AFG1L: variants seen among roughly 807,000 people sequenced by gnomAD.
AFG1L encodes the protein AFG1-like ATPase.
Under a neutral mutation model 62.2 loss-of-function variants are expected in AFG1L, and 53 were observed. The observed-to-expected ratio is 0.85, with a 90% CI of 0.68 to 1.07. AFG1L has a LOEUF of 1.07. Ranked by LOEUF, AFG1L falls within the 50% of genes least tolerant of loss-of-function variation. AFG1L has a pLI of 0.00. For synonymous variants in AFG1L, 228 were observed against 210.3 expected (o/e 1.08, Z -0.73); for missense variants, 555 against 590.5 (o/e 0.94, Z 0.62).
rs768696179 is a variant in AFG1L, at chr6:108,523,839, G to A, written c.*1414G>A. ...ATCAAGCCTTCTGTAAATAAAATGT[G>A]GTTTAAAGATATTTTTATTGAAGTG... On this transcript the variant is annotated 3_prime_UTR_variant, in exon 13 of 13. Transcript: ENST00000368977. 2 of 151,916 alleles carry A rather than the reference G, an allele frequency of 1.3e-5. No individual in the cohort carries two copies. Among genetic ancestry groups the A allele is most frequent in the Admixed American group, 6.6e-5 (1 of 15,240 alleles). The allele number at this position is 151,916 out of a possible 1,614,324, so 9.4% of individuals were successfully genotyped here. A position where few individuals can be genotyped will look rare whatever the true frequency, so the allele number is the denominator to read the frequency against.
At chr6:108,401,845 G>T in intron 6 of AFG1L, 151 bp from the exon 7 acceptor site, 1 of 468,070 alleles carries the variant, frequency 2.1e-6, no homozygotes, top group Non-Finnish European at 3.8e-6. Context: ...ATGTGTGTAG[G>T]ACCCAAAGAG....
chr6:108,518,653 T>TA (rs900829467), intron 11 of AFG1L, among the ~76,000 whole-genome samples: 2 of 151,876 alleles, frequency 1.3e-5, no homozygotes, highest in Admixed American at 6.6e-5. Flanking sequence ...AGTATAATAA[T>TA]AAAAAAAAGA....
Position 108,474,751 on chromosome 6 carries a change from G to A in AFG1L, c.891-2114G>A, listed in dbSNP as rs562108673. ...GGGGTTGTTTGTTTTCTTTTTTCTT[G>A]TAAATTTGTTTAAGTTCCTTGTAGA... On this transcript the variant is annotated intron_variant, in intron 8 of 12. Transcript: ENST00000368977. 2.2e-4 allele frequency among the ~76,000 whole-genome samples: 33 copies of A among 152,088 alleles called. No homozygotes were observed. The South Asian group carries it at 6.4e-3, about 30-fold the overall frequency.
At chr6:108,516,433 C>G (rs1197738139) in intron 11 of AFG1L, among the ~76,000 whole-genome samples, 1 of 152,142 alleles carries the variant, frequency 6.6e-6, no homozygotes, top group African/African-American at 2.4e-5. Flanking sequence ...CAGAAAAGGC[C>G]TTTGACAAAA....
rs139278707 is a variant in AFG1L, at chr6:108,437,662, G to A, written c.808-9552G>A. Among the ~76,000 whole-genome samples the A allele has an allele frequency of 2.4e-3, 372 of 152,184 alleles. 3 individuals carry two copies. Among genetic ancestry groups the A allele is most frequent in the African/African-American group, 8.6e-3 (359 of 41,518 alleles). ...TATGGGGTACATTTATCTCATACAT[G>A]GTCTTGGACTAAATACGTAAAGGAA... On this transcript the variant is annotated intron_variant, in intron 7 of 12. Coordinates refer to ENST00000368977, the MANE Select transcript of AFG1L (RefSeq NM_145315.5).
chr6:108,422,540 G>A (rs969470467), intron 7 of AFG1L, among the ~76,000 whole-genome samples: 17 of 125,324 alleles, frequency 1.4e-4, no homozygotes, highest in Non-Finnish European at 2.7e-4. Flanking sequence ...AGTAAATCAA[G>A]TATTTTGTTG....
chr6:108,489,693 C>T (rs575863990), intron 10 of AFG1L, among the ~76,000 whole-genome samples: 5 of 152,254 alleles, frequency 3.3e-5, no homozygotes, highest in East Asian at 3.9e-4. Flanking sequence ...AGGTCAGGGA[C>T]GAGGACAAGC....
chr6:108,414,462 AC>A (rs1782266732), intron 7 of AFG1L, among the ~76,000 whole-genome samples: 2 of 152,312 alleles, frequency 1.3e-5, no homozygotes, highest in South Asian at 4.1e-4. Context: ...CGGCAGAGAC[AC>A]AACAAAAAAG....
At chr6:108,348,908 C>CA (rs1554187038) in intron 3 of AFG1L, among the ~76,000 whole-genome samples, 1 of 151,682 alleles carries the variant, frequency 6.6e-6, no homozygotes, top group Non-Finnish European at 1.5e-5. Context: ...TGTAAAAGCA[C>CA]TTTTTTTTTA....
At chr6:108,492,409 A>G (rs1032248809) in intron 10 of AFG1L, among the ~76,000 whole-genome samples, 1 of 152,248 alleles carries the variant, frequency 6.6e-6, no homozygotes, top group Non-Finnish European at 1.5e-5. Flanking sequence ...ATGGTAGAAT[A>G]ATGCTGGTAC....
intron 2 of AFG1L, among the ~76,000 whole-genome samples, chr6:108,342,424 G>A (rs1034801547): frequency 6.6e-6 from 1 of 152,188 alleles, no homozygotes; most frequent in Non-Finnish European, 1.5e-5. Context: ...TAGAAAAATA[G>A]CATTAAGTTG....
chr6:108,480,682 C>T (rs570515450), intron 10 of AFG1L, among the ~76,000 whole-genome samples: 16 of 152,214 alleles, frequency 1.1e-4, no homozygotes, highest in African/African-American at 3.9e-4. Context: ...TCTGTAATCC[C>T]AGCTACTCAG....
intron 2 of AFG1L, among the ~76,000 whole-genome samples, chr6:108,336,590 A>C (rs1023506849): frequency 6.6e-6 from 1 of 152,222 alleles, no homozygotes; most frequent in African/African-American, 2.4e-5. Context: ...GTTTGCAGTA[A>C]AGGAATAGTT....
chr6:108,512,960 TATAAG>T (rs1047456814), intron 11 of AFG1L, among the ~76,000 whole-genome samples: 45 of 152,236 alleles, frequency 3.0e-4, no homozygotes, highest in African/African-American at 1.1e-3. Context: ...TAAAATAACT[TATAAG>T]AGGAGGTAGA....
chr6:108,476,846 A>G lies in AFG1L; in HGVS notation c.891-19A>G, dbSNP rs758481614. The G allele has an allele frequency of 6.2e-5, 98 of 1,592,092 alleles. No individual in the cohort carries two copies. Among genetic ancestry groups the G allele is most frequent in the Admixed American group, 2.2e-4 (13 of 59,920 alleles). On this transcript the variant is annotated intron_variant, in intron 8 of 12. Transcript: ENST00000368977. ...TCAAGTGTTATTAATTTCATATTCTATTATTCTTTTCACTGTAGCACAAGT... is the reference window on the plus strand; with the variant it reads ...TCAAGTGTTATTAATTTCATATTCTGTTATTCTTTTCACTGTAGCACAAGT...
At chr6:108,402,772 C>A (rs1236100127) in intron 7 of AFG1L, among the ~76,000 whole-genome samples, 2 of 151,870 alleles carry the variant, frequency 1.3e-5, no homozygotes, top group East Asian at 3.9e-4. Context: ...AGGTTAATGG[C>A]CATTATTAAC....
chr6:108,392,852 G>T (rs1057145679), intron 6 of AFG1L, among the ~76,000 whole-genome samples: 26 of 151,936 alleles, frequency 1.7e-4, no homozygotes, highest in African/African-American at 6.0e-4. Context: ...ACTCTAAATC[G>T]ATATGTATAT....
chr6:108,325,646 T>C (rs564371824), intron 2 of AFG1L, among the ~76,000 whole-genome samples: 1 of 152,020 alleles, frequency 6.6e-6, no homozygotes, highest in South Asian at 2.1e-4. Flanking sequence ...CCACCACACC[T>C]AGCTAATTTT....
chr6:108,345,429 G>A lies in AFG1L; in HGVS notation c.364-1559G>A, dbSNP rs945233965. ...GGCTGGAGTGCAGTGATGTGATCTCGATTCACTGTAGTCTCCACCTCCCGG... is the reference window on the plus strand; with the variant it reads ...GGCTGGAGTGCAGTGATGTGATCTCAATTCACTGTAGTCTCCACCTCCCGG... On this transcript the variant is annotated intron_variant, in intron 2 of 12. Coordinates refer to ENST00000368977, the MANE Select transcript of AFG1L (RefSeq NM_145315.5). Among the ~76,000 whole-genome samples the A allele has an allele frequency of 4.0e-5, 6 of 151,606 alleles. No individual in the cohort carries two copies. The South Asian group carries it at 6.3e-4, about 16-fold the overall frequency.
Sources: gnomAD v4.1 joint callset for allele counts (sites outside exome capture counted in the v4.1 genomes callset) on GRCh38, gnomAD v4.1.1 for gene constraint, MANE v1.5 for transcripts, NCBI Gene and HGNC (gene_info 2026-07-23, HGNC 2026-07-21) for gene names.